TCF7L1: variants seen among roughly 807,000 people sequenced by gnomAD.
The protein encoded by TCF7L1 is transcription factor 7 like 1.
Under a neutral mutation model 63.7 loss-of-function variants are expected in TCF7L1, and 18 were observed. The observed-to-expected ratio is 0.28, with a 90% confidence interval of 0.20 to 0.42. TCF7L1 has a LOEUF of 0.42. Ranked by LOEUF, TCF7L1 falls within the 10% of genes least tolerant of loss-of-function variation. The pLI, the probability that TCF7L1 is intolerant of heterozygous loss-of-function variation, is 1.00. For missense variants in TCF7L1, 654 were observed against 779.3 expected, an observed-to-expected ratio of 0.84 and a Z score of 1.91; for synonymous variants, 355 against 340.9, an observed-to-expected ratio of 1.04 and a Z score of -0.46.
At position 85,133,957 on chromosome 2, in the gene TCF7L1, C is replaced by T. The variant is rs754308612; in HGVS notation, c.249+24C>T. On this transcript the variant is annotated intron_variant, in intron 1 of 11. Coordinates refer to ENST00000282111, the MANE Select transcript of TCF7L1 (RefSeq NM_031283.3). This position sits in a 1 kb window ranked among gnomAD's most constrained non-coding sequence, Gnocchi z 4.4. ...AGGTAAGGAAGCACCGCGGCCACCC[C>T]CGGGGGATCCCGGCCCTGCGTCCGC... 3 of 1,572,782 alleles carry T rather than the reference C, an allele frequency of 1.9e-6. No homozygotes were observed. Among genetic ancestry groups the T allele is most frequent in the South Asian group, 2.3e-5 (2 of 85,728 alleles).
At chr2:85,264,283 T>C (rs1456863962) in intron 3 of TCF7L1, among the ~76,000 whole-genome samples, 1 of 152,162 alleles carries the variant, frequency 6.6e-6, no homozygotes, top group African/African-American at 2.4e-5. Flanking sequence ...CCTCCAGGAA[T>C]GGATAGAATG....
chr2:85,238,764 A>C (rs1378802240), intron 3 of TCF7L1, among the ~76,000 whole-genome samples: 1 of 151,250 alleles, frequency 6.6e-6, no homozygotes, highest in South Asian at 2.1e-4. Flanking sequence ...ACAGGGAACA[A>C]TCTTTTGGAG....
chr2:85,227,422 C>T (rs1353415097), intron 3 of TCF7L1, among the ~76,000 whole-genome samples: 1 of 150,884 alleles, frequency 6.6e-6, no homozygotes, highest in African/African-American at 2.4e-5. Context: ...AAGGGACTGT[C>T]AGAGTAATAC....
In TCF7L1 at chr2:85,134,491, C is replaced by T; in HGVS notation, c.441+41C>T. On this transcript the variant is annotated intron_variant, in intron 3 of 11. Coordinates refer to ENST00000282111, the MANE Select transcript of TCF7L1 (RefSeq NM_031283.3). The surrounding 1 kb of genome is among the most constrained non-coding windows in gnomAD (Gnocchi z 5.0). ...GCGCGCCGGGGAGGGTGGGAGGCCG[C>T]GGCCCGCAGGATGCGCCCCCGGGCT... The T allele has an allele frequency of 6.5e-7, 1 of 1,542,652 alleles. No individual in the cohort carries two copies. The highest frequency in any genetic ancestry group is 8.7e-7 in the Non-Finnish European group (1 of 1,143,106).
Position 85,288,176 on chromosome 2 carries a change from G to A in TCF7L1, c.525+4598G>A, listed in dbSNP as rs146407464. Among the ~76,000 whole-genome samples the A allele has an allele frequency of 7.6e-4, 116 of 152,276 alleles. 1 individual carries two copies. The East Asian group carries it at 0.019, about 25-fold the overall frequency. ...AAGAGGTAATGAGGGCCTGAATTAG[G>A]TGCCAGAACAAATGGACAGATTGCA... is the stretch of plus-strand genomic sequence containing the variant. On this transcript the variant is annotated intron_variant, in intron 4 of 11. Transcript: ENST00000282111.
chr2:85,298,736 C>G (rs1558660342), intron 4 of TCF7L1, among the ~76,000 whole-genome samples: 1 of 152,078 alleles, frequency 6.6e-6, no homozygotes, highest in Non-Finnish European at 1.5e-5. Flanking sequence ...TGTGTTTTGT[C>G]CCTGTTGGGG....
intron 3 of TCF7L1, among the ~76,000 whole-genome samples, chr2:85,173,785 G>A (rs1678608229): frequency 6.6e-6 from 1 of 151,848 alleles, no homozygotes; most frequent in Non-Finnish European, 1.5e-5. Flanking sequence ...TGCCTAGGCT[G>A]GAGTGCAATG....
At chr2:85,283,974 A>G (rs1214337193) in intron 4 of TCF7L1, among the ~76,000 whole-genome samples, 2 of 152,182 alleles carry the variant, frequency 1.3e-5, no homozygotes, top group African/African-American at 2.4e-5. Context: ...CTGCCAGGCA[A>G]TAGTTGAAGA....
At chr2:85,241,126 T>C (rs1680310216) in intron 3 of TCF7L1, among the ~76,000 whole-genome samples, 2 of 152,230 alleles carry the variant, frequency 1.3e-5, no homozygotes, top group African/African-American at 4.8e-5. Context: ...TTTAACTCAA[T>C]TGGGAAGGGC....
chr2:85,278,439 T>C (rs6747629), intron 3 of TCF7L1, among the ~76,000 whole-genome samples: 42,279 of 152,202 alleles, frequency 0.28, 6,248 homozygotes, highest in East Asian at 0.57. Context: ...CATTCCACAA[T>C]ACAGCGTAAG....
At chr2:85,276,551 A>C (rs10184810) in intron 3 of TCF7L1, among the ~76,000 whole-genome samples, 38,219 of 152,130 alleles carry the variant, frequency 0.25, 5,393 homozygotes, top group East Asian at 0.57. Context: ...CCCCGTCTCC[A>C]TTCTGCCACA....
intron 3 of TCF7L1, among the ~76,000 whole-genome samples, chr2:85,207,120 G>T (rs765409286): frequency 6.6e-6 from 1 of 152,194 alleles, no homozygotes; most frequent in Non-Finnish European, 1.5e-5. Context: ...ATTGATTTTA[G>T]TACTCTTTTA....
intron 3 of TCF7L1, among the ~76,000 whole-genome samples, chr2:85,280,823 A>G (rs191376444): frequency 1.3e-3 from 198 of 152,236 alleles, no homozygotes; most frequent in African/African-American, 4.5e-3. Flanking sequence ...CGTGCAAGAC[A>G]GAGAAGGAGA....
intron 3 of TCF7L1, among the ~76,000 whole-genome samples, chr2:85,177,710 A>C (rs979388673): frequency 6.6e-6 from 1 of 152,194 alleles, no homozygotes; most frequent in African/African-American, 2.4e-5. Flanking sequence ...GTCTCTAAAA[A>C]ATAAAAATAA....
chr2:85,208,294 C>T (rs991826376), intron 3 of TCF7L1, among the ~76,000 whole-genome samples: 4 of 152,250 alleles, frequency 2.6e-5, no homozygotes, highest in South Asian at 4.1e-4. Flanking sequence ...AACATCTGTA[C>T]TTGAGTATGG....
intron 3 of TCF7L1, among the ~76,000 whole-genome samples, chr2:85,149,180 A>G (rs948286535): frequency 7.9e-5 from 12 of 152,170 alleles, no homozygotes; most frequent in African/African-American, 2.4e-4. Context: ...TTGAATTTAC[A>G]TGGTTGTCAA....
intron 3 of TCF7L1, among the ~76,000 whole-genome samples, chr2:85,159,493 A>G (rs1365899244): frequency 1.3e-5 from 2 of 152,234 alleles, no homozygotes; most frequent in African/African-American, 4.8e-5. Context: ...TTCTGCAGAA[A>G]GGACCAGGAA....
At chr2:85,186,219 G>A (rs1015860836) in intron 3 of TCF7L1, among the ~76,000 whole-genome samples, 2 of 151,970 alleles carry the variant, frequency 1.3e-5, no homozygotes, top group East Asian at 1.9e-4. Context: ...CGCCTGCCTC[G>A]GCCTCCCAGA....
At chr2:85,137,158 C>G (rs1297809899) in intron 3 of TCF7L1, among the ~76,000 whole-genome samples, 36 of 152,184 alleles carry the variant, frequency 2.4e-4, no homozygotes, top group Non-Finnish European at 8.8e-5. Flanking sequence ...CTGGAAATAC[C>G]AAGCCAGATG....
Sources: allele counts gnomAD v4.1 joint callset (sites outside exome capture counted in the v4.1 genomes callset), GRCh38; gene constraint gnomAD v4.1.1; non-coding constraint Gnocchi (gnomAD v3.1); transcripts MANE v1.5; gene names NCBI Gene and HGNC (gene_info 2026-07-23, HGNC 2026-07-21).